The following TFCP2 variants were observed in gnomAD, a reference collection of about 807,000 sequenced individuals.
TFCP2 encodes alpha-globin transcription factor CP2.
TFCP2 carries 33 observed loss-of-function variants against 73.4 expected under a neutral mutation model. That is an observed-to-expected ratio of 0.45 (90% CI 0.34 to 0.60). The LOEUF (loss-of-function observed/expected upper bound fraction) is 0.60, where lower values mean the gene tolerates loss of function less well. Among genes scored for constraint, TFCP2 ranks in the 20% least tolerant of loss-of-function variants. TFCP2 has a pLI of 0.01. For synonymous variants in TFCP2, 193 were observed against 211.6 expected (o/e 0.91, Z 0.76); for missense variants, 352 against 604.0 (o/e 0.58, Z 4.37).
rs1013759294 is a variant in TFCP2, at chr12:51,094,362, G to A, written c.*879C>T. On this transcript the variant is annotated 3_prime_UTR_variant, in exon 15 of 15. Coordinates refer to ENST00000257915, the MANE Select transcript of TFCP2 (RefSeq NM_005653.5). ...ATTTAGGTGTGCTTTGTCTCTTTCA[G>A]TGGTTAATTCCTCAGTTCATACTCA... 2 of 152,164 alleles carry A rather than the reference G, an allele frequency of 1.3e-5. No homozygotes were observed. The highest frequency in any genetic ancestry group is 1.3e-4 in the Admixed American group (2 of 15,254). 9.4% of individuals were successfully genotyped at this position (152,164 alleles called of 1,614,324 possible).
intron 1 of TFCP2, among the ~76,000 whole-genome samples, chr12:51,154,921 G>A (rs912839375): frequency 6.6e-6 from 1 of 152,136 alleles, no homozygotes; most frequent in South Asian, 2.1e-4. Context: ...CTTAAAAAGC[G>A]GGTAAAGCAT....
At chr12:51,106,498 T>A (rs1439978016) in intron 8 of TFCP2, 27 bp downstream of exon 8, 3 of 1,560,796 alleles carry the variant, frequency 1.9e-6, no homozygotes, top group South Asian at 1.1e-5. Flanking sequence ...TGGACAAATA[T>A]AAGCCAATTT....
chr12:51,152,167 TA>T (rs1226058882), intron 1 of TFCP2, among the ~76,000 whole-genome samples: 5 of 152,140 alleles, frequency 3.3e-5, no homozygotes, highest in Non-Finnish European at 4.4e-5. Flanking sequence ...ATAGAAGCAA[TA>T]AATAGCATGT....
intron 1 of TFCP2, among the ~76,000 whole-genome samples, chr12:51,154,228 T>TG (rs976402433): frequency 5.3e-5 from 8 of 152,164 alleles, no homozygotes; most frequent in African/African-American, 9.7e-5. Flanking sequence ...CCTTATCTGA[T>TG]GGGGGGGATC....
chr12:51,100,884 T>C (rs925984291), intron 11 of TFCP2, among the ~76,000 whole-genome samples: 3 of 152,278 alleles, frequency 2.0e-5, no homozygotes, highest in Non-Finnish European at 4.4e-5. Flanking sequence ...ATGTAGTCAC[T>C]GATTTAGTTC....
chr12:51,124,828 C>A (rs760377873), intron 1 of TFCP2: 1 of 1,235,630 alleles, frequency 8.1e-7, no homozygotes. Context: ...ACAAATCTGG[C>A]CCTCTCTGCT....
chr12:51,151,179 G>A (rs1006245719), intron 1 of TFCP2, among the ~76,000 whole-genome samples: 1 of 152,144 alleles, frequency 6.6e-6, no homozygotes, highest in Non-Finnish European at 1.5e-5. Context: ...GACCAGGTGC[G>A]GCTGCAGCAG....
chr12:51,164,971 C>T (rs985592783), intron 1 of TFCP2, among the ~76,000 whole-genome samples: 1 of 152,276 alleles, frequency 6.6e-6, no homozygotes, highest in South Asian at 2.1e-4. Flanking sequence ...CAATCCTACT[C>T]GAACTCCTTC....
chr12:51,169,583 C>T (rs1941820665), intron 1 of TFCP2, among the ~76,000 whole-genome samples: 1 of 151,816 alleles, frequency 6.6e-6, no homozygotes, highest in Admixed American at 6.6e-5. Flanking sequence ...AAAAGCCAGG[C>T]GTAGTGTTAT....
intron 1 of TFCP2, among the ~76,000 whole-genome samples, chr12:51,132,636 T>C (rs544263976): frequency 1.8e-4 from 27 of 152,228 alleles, no homozygotes; most frequent in African/African-American, 6.3e-4. Context: ...CCCAAAGAGC[T>C]GGGATTACAG....
rs770356047 is a variant in TFCP2 at position 51,117,648 on chromosome 12, GA to G, written c.351+22del. On this transcript the variant is annotated intron_variant, in intron 3 of 14. Transcript: ENST00000257915. ...AAGGATTAGTAAAAAATATTGTACAGAAGAATGATTTATTCGTTTTACCTTC... is the reference window on the plus strand; with the variant it reads ...AAGGATTAGTAAAAAATATTGTACAGAGAATGATTTATTCGTTTTACCTTC... 39 of 1,573,000 alleles carry G rather than the reference GA, an allele frequency of 2.5e-5. No homozygotes were observed. The African/African-American group carries it at 4.6e-4, about 19-fold the overall frequency.
In TFCP2 at chr12:51,117,730, G is replaced by A. The variant is rs1304439749; in HGVS notation, c.292C>T (p.Arg98Ter). Residue 98 changes from arginine (R) to a stop codon, truncating the protein, a stop_gained, in exon 3 of 15, where the codon CGA (arginine) becomes TGA (stop). Transcript: ENST00000257915. LOFTEE classifies it high-confidence loss of function. ...CCAAGTTTCCTATTGTCTAGCATTC[G>A]AATTTCATAAGACTGTCCTAGAAGA... ...YLNQGQSYEI[R>*]MLDNRKLGEL... 2.5e-6 allele frequency: 4 copies of A among 1,611,854 alleles called. No individual in the cohort carries two copies. Among genetic ancestry groups the A allele is most frequent in the South Asian group, 1.1e-5 (1 of 90,768 alleles).
intron 1 of TFCP2, chr12:51,124,979 C>G (rs1322582747): frequency 1.4e-6 from 1 of 737,224 alleles, no homozygotes; most frequent in South Asian, 1.4e-5. Flanking sequence ...GCCTGGAGAC[C>G]AGCTCTCTCT....
At chr12:51,097,611 T>C (rs1939995984) in intron 13 of TFCP2, among the ~76,000 whole-genome samples, 1 of 152,170 alleles carries the variant, frequency 6.6e-6, no homozygotes, top group Non-Finnish European at 1.5e-5. Context: ...TTTAATCAAT[T>C]GTATAATTAT....
At chr12:51,115,776 A>T (rs1940519753) in intron 4 of TFCP2, among the ~76,000 whole-genome samples, 1 of 152,244 alleles carries the variant, frequency 6.6e-6, no homozygotes, top group African/African-American at 2.4e-5. Context: ...CATTATGCTA[A>T]GTGAAAAATG....
At chr12:51,164,433 C>A (rs1032890354) in intron 1 of TFCP2, among the ~76,000 whole-genome samples, 16 of 151,630 alleles carry the variant, frequency 1.1e-4, no homozygotes, top group Non-Finnish European at 2.1e-4. Flanking sequence ...CCTGTCTCTA[C>A]TAAAAATACA....
chr12:51,143,736 G>A (rs1941234829), intron 1 of TFCP2, among the ~76,000 whole-genome samples: 1 of 152,070 alleles, frequency 6.6e-6, no homozygotes, highest in African/African-American at 2.4e-5. Flanking sequence ...CCTAAGTTTG[G>A]TTTCAGATGT....
At chr12:51,170,203 G>A (rs1425904237) in intron 1 of TFCP2, among the ~76,000 whole-genome samples, 1 of 151,940 alleles carries the variant, frequency 6.6e-6, no homozygotes, top group South Asian at 2.1e-4. Flanking sequence ...AACAAGGATA[G>A]GTAAAACCAA....
At chr12:51,104,273 C>G in intron 8 of TFCP2, 70 bp from the exon 9 acceptor site, 1 of 1,339,168 alleles carries the variant, frequency 7.5e-7, no homozygotes, top group Non-Finnish European at 1.0e-6. Context: ...CATTCCTCAG[C>G]TTCACAATAA....
Sources: allele counts gnomAD v4.1 joint callset (sites outside exome capture counted in the v4.1 genomes callset), GRCh38; gene constraint gnomAD v4.1.1; transcripts MANE v1.5; gene names NCBI Gene and HGNC (gene_info 2026-07-23, HGNC 2026-07-21).